NIPA2: variants seen among roughly 807,000 people sequenced by gnomAD.
NIPA2 encodes the protein NIPA magnesium transporter 2, also known as magnesium transporter NIPA2.
A neutral mutation model predicts 29.7 loss-of-function variants in NIPA2; 11 were observed. That is an observed-to-expected ratio of 0.37 (90% confidence interval 0.23 to 0.61). NIPA2 has a LOEUF of 0.61. NIPA2 is among the 20% of genes least tolerant of loss of function. The pLI is 0.66. For synonymous variants in NIPA2, 183 were observed against 161.9 expected (o/e 1.13, Z -0.99); for missense variants, 426 against 437.9 (o/e 0.97, Z 0.24).
intron 6 of NIPA2, among the ~76,000 whole-genome samples, chr15:22,859,946 A>G (rs556899630): frequency 1.3e-5 from 2 of 152,300 alleles, no homozygotes; most frequent in Admixed American, 6.5e-5. Flanking sequence ...TATACAATTA[A>G]CAACATAAGA....
intron 6 of NIPA2, among the ~76,000 whole-genome samples, 173 bp downstream of exon 6, chr15:22,858,803 G>A (rs369972413): frequency 7.9e-5 from 12 of 152,334 alleles, no homozygotes; most frequent in East Asian, 7.7e-4. Flanking sequence ...GCATAGGCAG[G>A]CTATTGATTT....
intron 4 of NIPA2, among the ~76,000 whole-genome samples, chr15:22,852,099 A>G (rs1444777410): frequency 1.3e-5 from 2 of 152,222 alleles, no homozygotes; most frequent in Non-Finnish European, 2.9e-5. Flanking sequence ...ATCAAAATGG[A>G]AACAGGGACC....
chr15:22,848,708 C>G (rs759155785), intron 3 of NIPA2, among the ~76,000 whole-genome samples: 2 of 151,484 alleles, frequency 1.3e-5, no homozygotes, highest in African/African-American at 4.9e-5. Flanking sequence ...TGCCTGTAGT[C>G]CCAGCTACTC....
rs554802034 is a variant in NIPA2, at chr15:22,862,994, C to T, written c.448+2205C>T. ...ATGGCTCACTGCATCCTCTGCCTCT[C>T]GGGCTCAAGCGATCCTCCCACCTCA... is the stretch of plus-strand genomic sequence containing the variant. On this transcript the variant is annotated intron_variant, in intron 7 of 7. Transcript: ENST00000337451. Among the ~76,000 whole-genome samples, 47 of 147,782 alleles carry T rather than the reference C, an allele frequency of 3.2e-4. 2 individuals carry two copies. In the South Asian group the frequency reaches 9.0e-3, roughly 28 times the overall value.
chr15:22,847,198 G>T (rs1322444823), intron 3 of NIPA2, among the ~76,000 whole-genome samples: 2 of 152,062 alleles, frequency 1.3e-5, no homozygotes, highest in South Asian at 4.1e-4. Flanking sequence ...GAGCCACCGC[G>T]CCCGGCCTTG....
At chr15:22,857,805 C>A (rs1483864578) in intron 5 of NIPA2, among the ~76,000 whole-genome samples, 1 of 135,558 alleles carries the variant, frequency 7.4e-6, no homozygotes, top group Non-Finnish European at 1.5e-5. Flanking sequence ...CCACTGCATT[C>A]CAGCCTGGGC....
chr15:22,862,464 A>G (rs2058691691), intron 7 of NIPA2, among the ~76,000 whole-genome samples: 1 of 152,088 alleles, frequency 6.6e-6, no homozygotes, highest in Non-Finnish European at 1.5e-5. Context: ...GACCTAGATC[A>G]TTAATTTTCT....
intron 3 of NIPA2, among the ~76,000 whole-genome samples, chr15:22,849,648 G>A (rs920779344): frequency 3.3e-5 from 5 of 150,804 alleles, no homozygotes; most frequent in Non-Finnish European, 7.4e-5. Context: ...CAAGCTCCCC[G>A]TCCCAGGTTC....
chr15:22,851,906 A>C, intron 4 of NIPA2, 36 bp downstream of exon 4: 1 of 1,582,874 alleles, frequency 6.3e-7, no homozygotes, highest in Non-Finnish European at 8.6e-7. Context: ...AAGTGACCTC[A>C]GTGTCTACCT....
intron 7 of NIPA2, among the ~76,000 whole-genome samples, chr15:22,865,411 G>C (rs954024325): frequency 6.6e-6 from 1 of 151,816 alleles, no homozygotes; most frequent in Admixed American, 6.6e-5. Context: ...GCGTGAACCC[G>C]GGAGGCGGAG....
intron 3 of NIPA2, among the ~76,000 whole-genome samples, chr15:22,847,401 G>C (rs1899053487): frequency 6.6e-6 from 1 of 152,042 alleles, no homozygotes; most frequent in Non-Finnish European, 1.5e-5. Flanking sequence ...TTCCACAGCA[G>C]TAGAACTTGC....
At chr15:22,853,343 A>C in intron 5 of NIPA2, 75 bp downstream of exon 5, 1 of 846,512 alleles carries the variant, frequency 1.2e-6, no homozygotes, top group Non-Finnish European at 1.9e-6. Context: ...TTATAGCCTC[A>C]TTACTAGCAA....
chr15:22,842,044 A>G (rs34308663), intron 2 of NIPA2, among the ~76,000 whole-genome samples: 30,749 of 152,096 alleles, frequency 0.2, 3,363 homozygotes, highest in Admixed American at 0.31. Context: ...TGCCCTTCAC[A>G]TGTTTTATTT....
chr15:22,858,684 T>C, intron 6 of NIPA2, 54 bp downstream of exon 6: 2 of 1,072,262 alleles, frequency 1.9e-6, no homozygotes, highest in Non-Finnish European at 2.7e-6. Context: ...GTTTCTAAAA[T>C]ATTCAGTACC....
Position 22,866,567 on chromosome 15 carries a change from T to C in NIPA2, c.803T>C (p.Phe268Ser). 6.2e-7 allele frequency: 1 copy of C among 1,614,170 alleles called. No individual in the cohort carries two copies. Among genetic ancestry groups the C allele is most frequent in the Non-Finnish European group, 8.5e-7 (1 of 1,179,996 alleles). The change falls in exon 8 of 8, where the codon TTT becomes TCT. Residue 268 changes from phenylalanine to serine, a missense_variant. Phe to Ser is a radical substitution (Grantham distance 155). Coordinates refer to ENST00000337451, the MANE Select transcript of NIPA2 (RefSeq NM_030922.7). ...GTTTTAACTTGTTCAGCTATTCTTT[T>C]TAAGGAGTGGCAAGATATGCCTGTT... is the stretch of plus-strand genomic sequence containing the variant. ...TSVLTCSAILFKEWQDMPVDD... is the reference protein window; with the variant it reads ...TSVLTCSAILSKEWQDMPVDD...
intron 7 of NIPA2, among the ~76,000 whole-genome samples, chr15:22,862,419 G>A (rs1469480770): frequency 6.6e-6 from 1 of 152,088 alleles, no homozygotes; most frequent in East Asian, 1.9e-4. Context: ...TTTGCTCTTT[G>A]TGAGATTCTT....
At chr15:22,864,160 CTTTTTATT>C (rs902289518) in intron 7 of NIPA2, among the ~76,000 whole-genome samples, 6 of 151,802 alleles carry the variant, frequency 4.0e-5, no homozygotes, top group African/African-American at 1.2e-4. Flanking sequence ...GGCTATCTTT[CTTTTTATT>C]TTTTTGAGAC....
At chr15:22,865,318 C>T (rs890950046) in intron 7 of NIPA2, among the ~76,000 whole-genome samples, 1 of 151,882 alleles carries the variant, frequency 6.6e-6, no homozygotes, top group Non-Finnish European at 1.5e-5. Context: ...AACCCCGTCT[C>T]TACTAAGAAT....
intron 4 of NIPA2, 73 bp from the exon 5 acceptor site, chr15:22,853,139 C>G: frequency 1.0e-6 from 1 of 988,936 alleles, no homozygotes; most frequent in East Asian, 2.4e-5. Flanking sequence ...AAAAATCTGT[C>G]ATTACTAATA....
Sources: gnomAD v4.1 joint callset for allele counts (sites outside exome capture counted in the v4.1 genomes callset) on GRCh38, gnomAD v4.1.1 for gene constraint, MANE v1.5 for transcripts, NCBI Gene and HGNC (gene_info 2026-07-23, HGNC 2026-07-21) for gene names.